The following DGKG variants were observed in gnomAD, a reference collection of about 807,000 sequenced individuals.
The protein encoded by DGKG is diacylglycerol kinase gamma.
In DGKG, 78 loss-of-function variants were observed where a neutral mutation model predicts 105.3. The ratio of observed to expected loss-of-function variants is 0.74; its 90% confidence interval spans 0.62 to 0.89. The LOEUF (loss-of-function observed/expected upper bound fraction) is 0.89. Ranked by LOEUF, DGKG falls within the 40% of genes least tolerant of loss-of-function variation. DGKG has a pLI of 0.00. For synonymous variants in DGKG, 346 were observed against 367.1 expected, an observed-to-expected ratio of 0.94 and a Z score of 0.66; for missense variants, 958 against 1,020.1, an observed-to-expected ratio of 0.94 and a Z score of 0.83.
chr3:186,307,050 G>C (rs1724279522), intron 2 of DGKG, 73 bp from the exon 3 acceptor site: 3 of 1,016,368 alleles, frequency 3.0e-6, no homozygotes, highest in Non-Finnish European at 4.7e-6. Flanking sequence ...AATTCTCCCT[G>C]TGTAACCATG....
intron 22 of DGKG, among the ~76,000 whole-genome samples, chr3:186,180,871 A>G (rs1717326246): frequency 6.6e-6 from 1 of 152,234 alleles, no homozygotes; most frequent in African/African-American, 2.4e-5. Flanking sequence ...GAGAATCCAC[A>G]TGGGCACAGT....
chr3:186,286,199 G>T (rs1171737400), intron 6 of DGKG, among the ~76,000 whole-genome samples: 1 of 152,146 alleles, frequency 6.6e-6, no homozygotes, highest in Non-Finnish European at 1.5e-5. Context: ...GTCCTTTAAA[G>T]GTAGGGTCAT....
In DGKG at chr3:186,206,750, T is replaced by C. The variant is rs572841319; in HGVS notation, c.1917+5045A>G. Among the ~76,000 whole-genome samples, 29 of 150,132 alleles carry C rather than the reference T, an allele frequency of 1.9e-4. 1 individual carries two copies. Among genetic ancestry groups the C allele is most frequent in the Admixed American group, 6.6e-5 (1 of 15,214 alleles). The stretch of plus-strand genomic sequence containing the variant: ...GTGTGGGGACATGCTGGCTTCTTTT[T>C]TGTTTTTTTGTTTTTTTTGAGAGAG... On this transcript the variant is annotated intron_variant, in intron 21 of 24. Coordinates refer to ENST00000265022, the MANE Select transcript of DGKG (RefSeq NM_001346.3).
In DGKG at chr3:186,251,750, C is replaced by T. The variant is rs1721239540; in HGVS notation, c.1761+9G>A. 1.9e-6 allele frequency: 3 copies of T among 1,613,886 alleles called. No homozygotes were observed. Among genetic ancestry groups the T allele is most frequent in the Non-Finnish European group, 1.7e-6 (2 of 1,179,904 alleles). ...TTCCATACAGAAAGGTGATCTTTGA[C>T]CAACTCACCACACCAATGGAGAAAT... is the stretch of plus-strand genomic sequence containing the variant. On this transcript the variant is annotated intron_variant, in intron 19 of 24. Transcript: ENST00000265022.
chr3:186,152,961 C>CTTTTTT (rs10579014), intron 24 of DGKG, among the ~76,000 whole-genome samples: 1 of 124,530 alleles, frequency 8.0e-6, no homozygotes, highest in African/African-American at 2.9e-5. Context: ...CGCGCCCGGC[C>CTTTTTT]TTTTTTTTTT....
At chr3:186,305,810 A>G (rs1724208876) in intron 3 of DGKG, among the ~76,000 whole-genome samples, 1 of 152,222 alleles carries the variant, frequency 6.6e-6, no homozygotes, top group East Asian at 1.9e-4. Flanking sequence ...ACAGAAGTTG[A>G]TGATGACTGC....
In DGKG at chr3:186,166,999, C is replaced by T. The variant is rs3774053; in HGVS notation, c.2096-1981G>A. 9.3e-4 allele frequency among the ~76,000 whole-genome samples: 141 copies of T among 152,250 alleles called. 2 individuals carry two copies. In the East Asian group the frequency reaches 0.022, roughly 24 times the overall value. On this transcript the variant is annotated intron_variant, in intron 22 of 24. Transcript: ENST00000265022. The stretch of plus-strand genomic sequence containing the variant: ...GTCTTGGTCTTTTAACAAATTTTCC[C>T]GTTGAATGGCTTTAACTCCGAAGTT...
At chr3:186,291,970 A>G (rs114539921) in intron 5 of DGKG, among the ~76,000 whole-genome samples, 2,655 of 152,290 alleles carry the variant, frequency 0.017, 28 homozygotes, top group Middle Eastern at 0.034. Flanking sequence ...TGTCATAGAG[A>G]TGCAGGGGTC....
chr3:186,199,673 C>T (rs1046942846), intron 21 of DGKG, among the ~76,000 whole-genome samples: 18 of 152,062 alleles, frequency 1.2e-4, no homozygotes, highest in African/African-American at 1.4e-4. Context: ...CCACCACATC[C>T]GGCTAATTTT....
At chr3:186,292,245 G>A (rs1357511523) in intron 5 of DGKG, among the ~76,000 whole-genome samples, 1 of 152,142 alleles carries the variant, frequency 6.6e-6, no homozygotes, top group Admixed American at 6.5e-5. Flanking sequence ...CAGTGGGGCA[G>A]TGTGGCATAG....
chr3:186,281,126 A>T, intron 7 of DGKG: 1 of 175,186 alleles, frequency 5.7e-6, no homozygotes, highest in Non-Finnish European at 1.2e-5. Flanking sequence ...ACTTCTTATC[A>T]CTCATCCCCA....
Position 186,161,421 on chromosome 3 carries a change from G to T in DGKG, c.2277+182C>A, listed in dbSNP as rs530553710. ...CTTCACAGTGTCTGGCATATAGCAGGTTTTCATTAAGAGTTGCCAGGTAAA... is the reference window on the plus strand; with the variant it reads ...CTTCACAGTGTCTGGCATATAGCAGTTTTTCATTAAGAGTTGCCAGGTAAA... On this transcript the variant is annotated intron_variant, in intron 24 of 24. Transcript: ENST00000265022. 25 of 1,433,514 alleles carry T rather than the reference G, an allele frequency of 1.7e-5. No individual in the cohort carries two copies. In the East Asian group the frequency reaches 4.8e-4, roughly 28 times the overall value. 88.8% of individuals were successfully genotyped at this position (1,433,514 alleles called of 1,614,324 possible).
intron 2 of DGKG, among the ~76,000 whole-genome samples, chr3:186,307,841 G>A (rs2108626484): frequency 6.6e-6 from 1 of 150,392 alleles, no homozygotes; most frequent in Middle Eastern, 3.6e-3. Flanking sequence ...ACTATGGCAA[G>A]ATAGTTTCTT....
intron 6 of DGKG, among the ~76,000 whole-genome samples, chr3:186,287,892 A>ATT (rs200158100): frequency 6.6e-6 from 1 of 152,134 alleles, no homozygotes; most frequent in Non-Finnish European, 1.5e-5. Context: ...TAACATGTAC[A>ATT]TTTTTTTCCC....
At chr3:186,349,958 C>G (rs1365905040) in intron 1 of DGKG, among the ~76,000 whole-genome samples, 1 of 151,728 alleles carries the variant, frequency 6.6e-6, no homozygotes, top group African/African-American at 2.4e-5. Flanking sequence ...AATCATGGCT[C>G]ACTGCAACCT....
chr3:186,302,357 T>A (rs1394091188), intron 3 of DGKG, among the ~76,000 whole-genome samples: 1 of 151,396 alleles, frequency 6.6e-6, no homozygotes, highest in Admixed American at 6.6e-5. Context: ...TGTCATCAAC[T>A]ACTATGGGAT....
chr3:186,147,545 C>T lies in DGKG; in HGVS notation c.*2545G>A. The T allele has an allele frequency of 2.0e-6, 2 of 985,334 alleles. No homozygotes were observed. Among genetic ancestry groups the T allele is most frequent in the East Asian group, 2.3e-4 (2 of 8,818 alleles). 61.0% of individuals were successfully genotyped at this position (985,334 alleles called of 1,614,324 possible). On this transcript the variant is annotated 3_prime_UTR_variant, in exon 25 of 25. Transcript: ENST00000265022. Reference sequence around the variant, plus strand: ...TACTAAGGTTACCAAACTGGAAGTGCAATTCCACTGAAGTTGTTATACTCC... The same window carrying T: ...TACTAAGGTTACCAAACTGGAAGTGTAATTCCACTGAAGTTGTTATACTCC...
At chr3:186,271,822 C>G (rs1472716467) in intron 11 of DGKG, among the ~76,000 whole-genome samples, 1 of 152,180 alleles carries the variant, frequency 6.6e-6, no homozygotes, top group East Asian at 1.9e-4. Context: ...CCTGGAGAGT[C>G]TGGTCCTCCT....
chr3:186,245,532 G>C (rs146116842), intron 19 of DGKG, among the ~76,000 whole-genome samples: 1 of 152,328 alleles, frequency 6.6e-6, no homozygotes, highest in East Asian at 1.9e-4. Context: ...TTATTAAGGC[G>C]TAAACCCTTT....
Sources: allele counts gnomAD v4.1 joint callset (sites outside exome capture counted in the v4.1 genomes callset), GRCh38; gene constraint gnomAD v4.1.1; transcripts MANE v1.5; gene names NCBI Gene and HGNC (gene_info 2026-07-23, HGNC 2026-07-21).